EXOC2: variants seen among roughly 807,000 people sequenced by gnomAD.
The protein encoded by EXOC2 is exocyst complex component 2, also known as SEC5-like 1.
In EXOC2, 70 loss-of-function variants were observed where a neutral mutation model predicts 131.8. The observed-to-expected ratio is 0.53, with a 90% confidence interval of 0.44 to 0.65. The LOEUF (loss-of-function observed/expected upper bound fraction) is 0.65, where lower values mean the gene tolerates loss of function less well. Ranked by LOEUF, EXOC2 falls within the 30% of genes least tolerant of loss-of-function variation. The pLI is 0.00. For synonymous variants in EXOC2, 411 were observed against 398.4 expected (o/e 1.03, Z -0.38); for missense variants, 923 against 1,108.6 (o/e 0.83, Z 2.38).
At chr6:661,687 T>C (rs1247585666) in intron 1 of EXOC2, among the ~76,000 whole-genome samples, 1 of 151,990 alleles carries the variant, frequency 6.6e-6, no homozygotes, top group Non-Finnish European at 1.5e-5. Flanking sequence ...AGAACCTCTT[T>C]AAAGCATAAA....
rs1759993986 is a variant in EXOC2 at position 599,290 on chromosome 6, G to T, written c.743-65C>A. ...ATTTTAATCAGAAAATGTGTAACTGGGCACTAGAAACAAAATGTTAATACT... is the reference window on the plus strand; with the variant it reads ...ATTTTAATCAGAAAATGTGTAACTGTGCACTAGAAACAAAATGTTAATACT... On this transcript the variant is annotated intron_variant, in intron 7 of 27. Transcript: ENST00000230449. 5.6e-6 allele frequency: 8 copies of T among 1,441,112 alleles called. No individual in the cohort carries two copies. The Admixed American group carries it at 1.9e-4, about 34-fold the overall frequency. 89.3% of individuals were successfully genotyped at this position (1,441,112 alleles called of 1,614,324 possible).
chr6:671,633 A>G (rs1763875122), intron 1 of EXOC2, among the ~76,000 whole-genome samples: 1 of 152,234 alleles, frequency 6.6e-6, no homozygotes, highest in Non-Finnish European at 1.5e-5. Context: ...AGGCAAATCT[A>G]ATGGCAATAA....
chr6:530,722 T>C (rs571260670), intron 23 of EXOC2, among the ~76,000 whole-genome samples: 2 of 152,352 alleles, frequency 1.3e-5, no homozygotes, highest in South Asian at 4.1e-4. Flanking sequence ...CAGGGAGTAC[T>C]GCTGGCCCTC....
chr6:532,361 ACT>A (rs1033353543), intron 23 of EXOC2, 106 bp downstream of exon 23: 15 of 1,157,274 alleles, frequency 1.3e-5, no homozygotes, highest in Non-Finnish European at 1.6e-5. Flanking sequence ...TTAATCTCTC[ACT>A]CTCAGTAGAT....
chr6:612,491 T>C (rs1760765248), intron 6 of EXOC2, among the ~76,000 whole-genome samples: 1 of 152,254 alleles, frequency 6.6e-6, no homozygotes, highest in Non-Finnish European at 1.5e-5. Context: ...ATATATAAAT[T>C]ATATTTAAAC....
intron 16 of EXOC2, 52 bp downstream of exon 16, chr6:563,981 C>T: frequency 6.3e-7 from 1 of 1,591,812 alleles, no homozygotes; most frequent in African/African-American, 1.3e-5. Flanking sequence ...AAGGAGGTGG[C>T]ACATTCAGAT....
At chr6:684,856 T>C (rs1348954723) in intron 1 of EXOC2, among the ~76,000 whole-genome samples, 1 of 152,162 alleles carries the variant, frequency 6.6e-6, no homozygotes. Context: ...AAAGCAGTAC[T>C]TTTTACTATT....
intron 1 of EXOC2, among the ~76,000 whole-genome samples, chr6:663,508 C>G (rs1295400819): frequency 3.9e-5 from 6 of 152,174 alleles, no homozygotes; most frequent in Non-Finnish European, 8.8e-5. Flanking sequence ...AGACCAATAT[C>G]CTTGATGAAC....
intron 23 of EXOC2, among the ~76,000 whole-genome samples, chr6:507,358 CCACACACACA>C (rs59493114): frequency 0.5 from 66,010 of 131,278 alleles, 19,553 homozygotes; most frequent in South Asian, 0.75. Flanking sequence ...AGCAGTGACC[CCACACACACA>C]CACACACACA....
At chr6:686,031 G>C (rs570187930) in intron 1 of EXOC2, among the ~76,000 whole-genome samples, 1 of 150,720 alleles carries the variant, frequency 6.6e-6, no homozygotes, top group East Asian at 2.0e-4. Flanking sequence ...AGTGCAGTGG[G>C]GCTCACTGCA....
chr6:572,453 C>G (rs1758338157), intron 13 of EXOC2, 67 bp downstream of exon 13: 3 of 1,530,892 alleles, frequency 2.0e-6, no homozygotes. Flanking sequence ...TCACTTAAAT[C>G]TAACATTTTA....
intron 13 of EXOC2, among the ~76,000 whole-genome samples, chr6:571,577 C>T (rs1177846750): frequency 6.6e-6 from 1 of 152,174 alleles, no homozygotes; most frequent in African/African-American, 2.4e-5. Flanking sequence ...CACTTAGCCA[C>T]TTTCCGCCAA....
intron 1 of EXOC2, chr6:656,673 G>A (rs1287209683): frequency 2.5e-6 from 4 of 1,606,660 alleles, no homozygotes; most frequent in Non-Finnish European, 3.4e-6. Flanking sequence ...TGCGCTTCTC[G>A]CCGCCCGGGA....
chr6:499,501 C>A, intron 24 of EXOC2, 144 bp downstream of exon 24: 2 of 573,488 alleles, frequency 3.5e-6, no homozygotes, highest in Non-Finnish European at 6.1e-6. Flanking sequence ...ACAGTGCGAG[C>A]AAGAGCTGAA....
intron 1 of EXOC2, among the ~76,000 whole-genome samples, chr6:690,503 GTCACGAGGA>G (rs1764870885): frequency 1.3e-5 from 2 of 152,072 alleles, no homozygotes; most frequent in Non-Finnish European, 2.9e-5. Context: ...GAGGTCCACC[GTCACGAGGA>G]TCGCGACGGT....
intron 22 of EXOC2, among the ~76,000 whole-genome samples, chr6:533,505 G>A (rs1347790522): frequency 4.6e-5 from 7 of 152,092 alleles, no homozygotes; most frequent in Admixed American, 4.6e-4. Context: ...TCCACAGGGA[G>A]GCCAGACACA....
At chr6:487,276 TAG>T (rs994784579) in intron 27 of EXOC2, among the ~76,000 whole-genome samples, 2 of 151,908 alleles carry the variant, frequency 1.3e-5, no homozygotes, top group African/African-American at 4.8e-5. Context: ...TAACAGGTAT[TAG>T]AGAGTGGGGA....
intron 22 of EXOC2, among the ~76,000 whole-genome samples, chr6:541,531 G>A (rs973159678): frequency 2.6e-5 from 4 of 151,958 alleles, no homozygotes; most frequent in East Asian, 1.9e-4. Flanking sequence ...ACAAACAAGC[G>A]ATAGTAAGTA....
intron 1 of EXOC2, among the ~76,000 whole-genome samples, chr6:681,663 T>C (rs1764409435): frequency 6.6e-6 from 1 of 152,212 alleles, no homozygotes; most frequent in South Asian, 2.1e-4. Flanking sequence ...TAAAAGAGAA[T>C]GGGATAGTAC....
Sources: allele counts gnomAD v4.1 joint callset (sites outside exome capture counted in the v4.1 genomes callset), GRCh38; gene constraint gnomAD v4.1.1; transcripts MANE v1.5; gene names NCBI Gene and HGNC (gene_info 2026-07-23, HGNC 2026-07-21).